The following COL18A1 variants were observed in gnomAD, a reference collection of about 807,000 sequenced individuals.
COL18A1 encodes the protein collagen type XVIII alpha 1 chain, also known as collagen alpha-1(XVIII) chain.
A neutral mutation model predicts 168.0 loss-of-function variants in COL18A1; 133 were observed. The ratio of observed to expected loss-of-function variants is 0.79; its 90% CI spans 0.69 to 0.91. The LOEUF is 0.91. Ranked by LOEUF, COL18A1 falls within the 40% of genes least tolerant of loss-of-function variation. COL18A1 has a pLI of 0.00. For synonymous variants in COL18A1, 949 were observed against 809.0 expected (o/e 1.17, Z -2.94); for missense variants, 2,126 against 1,925.4 (o/e 1.10, Z -1.95).
intron 2 of COL18A1, among the ~76,000 whole-genome samples, chr21:45,416,033 G>T (rs946170170): frequency 6.6e-6 from 1 of 152,144 alleles, no homozygotes; most frequent in Non-Finnish European, 1.5e-5. Flanking sequence ...TCTGTTATCC[G>T]GACTGCCCAG....
chr21:45,505,751 A>G (rs2146086439), intron 36 of COL18A1, 87 bp from the exon 37 acceptor site: 2 of 1,106,990 alleles, frequency 1.8e-6, no homozygotes, highest in Middle Eastern at 5.6e-4. Context: ...GCCCCTGCCC[A>G]GCACCCTGAA....
chr21:45,454,609 C>T (rs1569297954), intron 2 of COL18A1, among the ~76,000 whole-genome samples: 2 of 152,222 alleles, frequency 1.3e-5, no homozygotes, highest in Admixed American at 1.3e-4. Context: ...AGGCTCATGC[C>T]TCAGTTTTCT....
intron 2 of COL18A1, among the ~76,000 whole-genome samples, chr21:45,446,901 C>G (rs917429175): frequency 7.2e-5 from 11 of 152,146 alleles, no homozygotes; most frequent in African/African-American, 2.7e-4. Flanking sequence ...TAAAAACACC[C>G]AATCATCTCA....
intron 2 of COL18A1, chr21:45,467,328 G>A (rs1469555380): frequency 6.1e-6 from 6 of 985,320 alleles, no homozygotes; most frequent in Admixed American, 6.1e-5. Flanking sequence ...GTCAAGCTCC[G>A]CCTGGGCAGG....
chr21:45,460,434 G>A (rs1361450363), intron 2 of COL18A1, among the ~76,000 whole-genome samples: 5 of 152,188 alleles, frequency 3.3e-5, no homozygotes, highest in African/African-American at 1.2e-4. Context: ...CCCCTGGGCT[G>A]GGGCTTCCTC....
chr21:45,510,790 G>A (rs190073580), intron 40 of COL18A1, among the ~76,000 whole-genome samples: 6 of 152,246 alleles, frequency 3.9e-5, no homozygotes, highest in East Asian at 1.9e-4. Flanking sequence ...GGGAGCAGGC[G>A]GCTGTGGCCT....
rs3028017 is a variant in COL18A1, at chr21:45,495,607, C to CAT, written c.2508+175_2508+176insAT. ...ATGCACAGTCATACATGTCCACACA[C>CAT]GCACACGTGTGCCCAAACATGCATG... On this transcript the variant is annotated intron_variant, in intron 29 of 41. Transcript: ENST00000651438. The CAT allele has an allele frequency of 9.1e-5, 58 of 637,360 alleles. No individual in the cohort carries two copies. In the Middle Eastern group the frequency reaches 1.6e-3, roughly 18 times the overall value. 39.5% of individuals were successfully genotyped at this position (637,360 alleles called of 1,614,324 possible). A position where few individuals can be genotyped will look rare whatever the true frequency, so the allele number is the denominator to read the frequency against.
intron 2 of COL18A1, among the ~76,000 whole-genome samples, chr21:45,467,927 G>A (rs1455985108): frequency 2.0e-5 from 3 of 152,204 alleles, no homozygotes; most frequent in African/African-American, 2.4e-5. Flanking sequence ...TGTCTGCTGT[G>A]CCCATCCCTG....
intron 32 of COL18A1, 155 bp from the exon 33 acceptor site, chr21:45,503,856 T>C: frequency 3.4e-6 from 2 of 590,254 alleles, no homozygotes; most frequent in South Asian, 2.4e-5. Context: ...TCAGAAAGTA[T>C]CGGTTAACTA....
In COL18A1 at chr21:45,510,229, G is replaced by A. The variant is rs778532799; in HGVS notation, c.3661G>A (p.Asp1221Asn). The change falls in exon 40 of 42, where the codon GAC (aspartate) becomes AAC (asparagine). Residue 1221 changes from aspartate (D) to asparagine (N), a missense_variant. By Grantham distance (23) the Asp-to-Asn change is conservative. Transcript: ENST00000651438. ...CCTGTACAGCATCGTGCGCCGTGCC[G>A]ACCGCGCAGCCGTGCCCATCGTCAA... ...QDLYSIVRRA[D>N]RAAVPIVNLK... The A allele has an allele frequency of 1.2e-4, 194 of 1,606,184 alleles. No individual in the cohort carries two copies. Among genetic ancestry groups the A allele is most frequent in the Admixed American group, 2.9e-4 (17 of 59,382 alleles).
rs2033683349 is a variant in COL18A1, at chr21:45,423,314, A to G, written c.106+17841A>G. Among the ~76,000 whole-genome samples the G allele has an allele frequency of 6.6e-6, 1 of 152,038 alleles. No individual in the cohort carries two copies. The highest frequency in any genetic ancestry group is 1.5e-5 in the Non-Finnish European group (1 of 68,006). ...TGAGTGTTGGCTGGTCCACTTCCTG[A>G]GCGTTGGCCAGCTGCCCTTGCTGTG... On this transcript the variant is annotated intron_variant, in intron 2 of 41. Transcript: ENST00000651438. This position sits in a 1 kb window ranked among gnomAD's most constrained non-coding sequence, Gnocchi z 4.0.
Position 45,505,873 on chromosome 21 carries a change from C to T in COL18A1, c.3123C>T (p.Gly1041=). Residue 1041 remains glycine, a synonymous_variant, in exon 37 of 42, where the codon GGC becomes GGT. Coordinates refer to ENST00000651438, the MANE Select transcript of COL18A1 (RefSeq NM_001379500.1). ...GGGCTACACGCCAGGCCATGCTGGG[C>T]CAGGTGCACGAGGTTCCCGAGGGCT... is the stretch of plus-strand genomic sequence containing the variant. ...RLWATRQAML[G]QVHEVPEGWL... 5.0e-6 allele frequency: 8 copies of T among 1,612,080 alleles called. No individual in the cohort carries two copies. Among genetic ancestry groups the T allele is most frequent in the Non-Finnish European group, 5.9e-6 (7 of 1,179,736 alleles).
At chr21:45,494,486 A>G in intron 26 of COL18A1, 59 bp from the exon 27 acceptor site, 1 of 1,612,130 alleles carries the variant, frequency 6.2e-7, no homozygotes. Context: ...GCCCTCAGAG[A>G]GGCTGCCAGG....
intron 32 of COL18A1, among the ~76,000 whole-genome samples, chr21:45,500,506 G>T (rs2036737158): frequency 1.3e-5 from 1 of 76,166 alleles, no homozygotes; most frequent in South Asian, 4.3e-4. Flanking sequence ...TAGTGTGGGG[G>T]TGTGGTTTGG....
Position 45,405,370 on chromosome 21 carries a change from C to T in COL18A1, c.12-9C>T. On this transcript the variant is annotated splice_polypyrimidine_tract_variant and intron_variant, in intron 1 of 41. Transcript: ENST00000651438. The stretch of plus-strand genomic sequence containing the variant: ...CCTGCGGGGTCTGACCCGTGCCTGT[C>T]CCGCGCAGGTGCCCCTGGCCATGGC... 1.8e-6 allele frequency: 2 copies of T among 1,110,622 alleles called. No homozygotes were observed. Among genetic ancestry groups the T allele is most frequent in the South Asian group, 2.6e-5 (1 of 37,872 alleles). The allele number at this position is 1,110,622 out of a possible 1,614,324, so 68.8% of individuals were successfully genotyped here. A position where few individuals can be genotyped will look rare whatever the true frequency, so the allele number is the denominator to read the frequency against.
chr21:45,465,638 T>C (rs920564143), intron 2 of COL18A1, among the ~76,000 whole-genome samples: 2 of 152,182 alleles, frequency 1.3e-5, no homozygotes, highest in Non-Finnish European at 2.9e-5. Context: ...GCCCTGGCTC[T>C]GCAGGACTGG....
chr21:45,448,737 G>A (rs1176626413), intron 2 of COL18A1, among the ~76,000 whole-genome samples: 2 of 152,248 alleles, frequency 1.3e-5, no homozygotes, highest in Non-Finnish European at 2.9e-5. Flanking sequence ...GTCTTCAGAT[G>A]CGCTCCATAA....
At chr21:45,434,137 A>G (rs556561624) in intron 2 of COL18A1, among the ~76,000 whole-genome samples, 6 of 90,060 alleles carry the variant, frequency 6.7e-5, no homozygotes, top group African/African-American at 3.5e-4. Flanking sequence ...TTCCTGTGCA[A>G]GCCTGTGCTC....
In COL18A1 at chr21:45,493,416, A is replaced by G; in HGVS notation, c.2278-85A>G. Reference sequence around the variant, plus strand: ...AGGACCCAGCCTGCGAGGCCCAGTCACAGCGGCCCTGCCTTCGGGGCTCTG... The same window carrying G: ...AGGACCCAGCCTGCGAGGCCCAGTCGCAGCGGCCCTGCCTTCGGGGCTCTG... On this transcript the variant is annotated intron_variant, in intron 25 of 41. Transcript: ENST00000651438. The G allele has an allele frequency of 1.2e-5, 17 of 1,380,044 alleles. 1 individual carries two copies. In the South Asian group the frequency reaches 2.0e-4, roughly 16 times the overall value. 85.5% of individuals were successfully genotyped at this position (1,380,044 alleles called of 1,614,324 possible). A position where few individuals can be genotyped will look rare whatever the true frequency, so the allele number is the denominator to read the frequency against.
Sources: gnomAD v4.1 joint callset for allele counts (sites outside exome capture counted in the v4.1 genomes callset) on GRCh38, gnomAD v4.1.1 for gene constraint, Gnocchi (gnomAD v3.1) non-coding constraint, MANE v1.5 for transcripts, NCBI Gene and HGNC (gene_info 2026-07-23, HGNC 2026-07-21) for gene names.